Variants in AZIN1 observed in about 807,000 individuals in gnomAD.
The protein encoded by AZIN1 is antizyme inhibitor 1.
A neutral mutation model predicts 47.4 loss-of-function variants in AZIN1; 12 were observed. The ratio of observed to expected loss-of-function variants is 0.25; its 90% confidence interval spans 0.16 to 0.41. AZIN1 has a LOEUF of 0.41. AZIN1 is among the 10% of genes least tolerant of loss of function. AZIN1 has a pLI of 1.00. For missense variants in AZIN1, 410 were observed against 532.4 expected (o/e 0.77, Z 2.26); for synonymous variants, 155 against 176.3 (o/e 0.88, Z 0.96).
rs963502800 is a variant in AZIN1, at chr8:102,843,415, G to C, written c.102+136C>G. The C allele has an allele frequency of 4.5e-6, 3 of 673,296 alleles. No homozygotes were observed. In the South Asian group the frequency reaches 5.8e-5, roughly 13 times the overall value. 41.7% of individuals were successfully genotyped at this position (673,296 alleles called of 1,614,324 possible). A position where few individuals can be genotyped will look rare whatever the true frequency, so the allele number is the denominator to read the frequency against. On this transcript the variant is annotated intron_variant, in intron 3 of 11. Transcript: ENST00000337198. ...ATCACTACTCAAGGGGAGTGGGTGT[G>C]GGGGAGGAAGGTCAAGTTAAATCAG...
intron 10 of AZIN1, 28 bp downstream of exon 10, chr8:102,829,793 A>G: frequency 6.6e-7 from 1 of 1,505,558 alleles, no homozygotes; most frequent in South Asian, 1.2e-5. Flanking sequence ...AATGCCAAAT[A>G]GGTTTTGATA....
intron 5 of AZIN1, among the ~76,000 whole-genome samples, chr8:102,837,497 T>C (rs1341685710): frequency 6.6e-6 from 1 of 152,200 alleles, no homozygotes; most frequent in African/African-American, 2.4e-5. Context: ...ATGGCCCTAA[T>C]TTGATAATCA....
chr8:102,833,476 T>C (rs930945646), intron 8 of AZIN1, among the ~76,000 whole-genome samples: 11 of 151,962 alleles, frequency 7.2e-5, no homozygotes, highest in Non-Finnish European at 1.2e-4. Flanking sequence ...GTTTTTGTTT[T>C]TTTTTAAGTC....
chr8:102,836,572 C>T (rs1302559325), intron 5 of AZIN1, 182 bp from the exon 6 acceptor site: 1 of 601,924 alleles, frequency 1.7e-6, no homozygotes, highest in African/African-American at 1.9e-5. Context: ...CAATTAGGGC[C>T]TAAAGCATGA....
intron 2 of AZIN1, among the ~76,000 whole-genome samples, chr8:102,844,324 T>C (rs1048433325): frequency 1.3e-4 from 19 of 148,626 alleles, no homozygotes; most frequent in African/African-American, 4.5e-4. Context: ...CTGGACAACA[T>C]AGCAAGACTC....
chr8:102,843,087 A>T (rs1812322911), intron 3 of AZIN1, among the ~76,000 whole-genome samples: 1 of 151,368 alleles, frequency 6.6e-6, no homozygotes, highest in Non-Finnish European at 1.5e-5. Context: ...TGCGCCTGTA[A>T]TTCTAGCTAA....
intron 9 of AZIN1, 91 bp from the exon 10 acceptor site, chr8:102,830,027 T>C: frequency 1.1e-6 from 1 of 897,058 alleles, no homozygotes; most frequent in East Asian, 2.5e-5. Context: ...CTCAAACTAT[T>C]TAAACTTAAA....
chr8:102,861,973 T>C (rs1586217011), intron 1 of AZIN1, among the ~76,000 whole-genome samples: 1 of 151,650 alleles, frequency 6.6e-6, no homozygotes, highest in South Asian at 2.1e-4. Flanking sequence ...GAAGCGGAGG[T>C]TGCAGTAAGC....
chr8:102,829,453 T>C lies in AZIN1; in HGVS notation c.1054A>G (p.Ser352Gly). 6.2e-7 allele frequency: 1 copy of C among 1,612,798 alleles called. No individual in the cohort carries two copies. Among genetic ancestry groups the C allele is most frequent in the Non-Finnish European group, 8.5e-7 (1 of 1,179,626 alleles). The change falls in exon 11 of 12, where the codon AGC (serine) becomes GGC (glycine). Residue 352 changes from serine to glycine, a missense_variant. Around this residue, in one of 3 missense-constraint regions of AZIN1, gnomAD observed 168 missense variants for 198.3 expected, o/e 0.85. Transcript: ENST00000337198. ...YKEDEPLFTS[S>G]LWGPSCDELD... ...TCATCACAGGATGGACCCCAAAGGC[T>C]GCTTGTAAACAGAGGCTCATCTTCC...
At chr8:102,834,825 T>G in intron 6 of AZIN1, 78 bp from the exon 7 acceptor site, 1 of 886,538 alleles carries the variant, frequency 1.1e-6, no homozygotes, top group Non-Finnish European at 1.8e-6. Flanking sequence ...CAACTGTCAC[T>G]CATCATATTC....
chr8:102,858,975 A>G (rs1813459491), intron 1 of AZIN1: 1 of 152,326 alleles, frequency 6.6e-6, no homozygotes, highest in African/African-American at 2.4e-5. Flanking sequence ...ATAATCTGAC[A>G]GTGTTTGCTA....
chr8:102,856,421 T>C (rs1288492302), intron 2 of AZIN1, among the ~76,000 whole-genome samples: 3 of 152,176 alleles, frequency 2.0e-5, no homozygotes, highest in Non-Finnish European at 4.4e-5. Flanking sequence ...GGAGACACTA[T>C]AGACTTTCTG....
At chr8:102,860,647 G>A (rs749498740) in intron 1 of AZIN1, among the ~76,000 whole-genome samples, 19 of 152,068 alleles carry the variant, frequency 1.2e-4, no homozygotes, top group Non-Finnish European at 2.2e-4. Context: ...TCAGCCTTCC[G>A]AAGTGCTGGG....
chr8:102,842,981 C>A (rs1032623678), intron 3 of AZIN1, among the ~76,000 whole-genome samples: 3 of 151,874 alleles, frequency 2.0e-5, no homozygotes, highest in Non-Finnish European at 2.9e-5. Context: ...CTTCAGGAGG[C>A]TGAGGTGGGT....
rs1811818306 is a variant in AZIN1, at chr8:102,836,284, CCTTAGCACATTCCAAGAG to C, written c.538_555del (p.Leu180_Lys185del). 1 of 1,613,898 alleles carries C rather than the reference CCTTAGCACATTCCAAGAG, an allele frequency of 6.2e-7. No homozygotes were observed. The highest frequency in any genetic ancestry group is 1.3e-5 in the African/African-American group (1 of 74,910). ...ACCCCAATTATTTGGACATCAAGTT[CCTTAGCACATTCCAAGAG>C]ATGCCTACAGTTCTTCAGGGTAGTG... On this transcript the variant is annotated inframe_deletion, in exon 6 of 12. Coordinates refer to ENST00000337198, the MANE Select transcript of AZIN1 (RefSeq NM_148174.4).
chr8:102,851,628 C>G (rs1196736383), intron 2 of AZIN1, among the ~76,000 whole-genome samples: 3 of 152,098 alleles, frequency 2.0e-5, no homozygotes, highest in Non-Finnish European at 4.4e-5. Context: ...ATCGCTTGAA[C>G]CTGGGAGGTG....
chr8:102,839,021 A>G, intron 4 of AZIN1, 105 bp from the exon 5 acceptor site: 2 of 1,009,796 alleles, frequency 2.0e-6, no homozygotes, highest in Non-Finnish European at 2.8e-6. Context: ...CCAGGGTCTC[A>G]CTCTTTGTAT....
intron 5 of AZIN1, chr8:102,836,599 A>AT: frequency 1.9e-6 from 1 of 534,926 alleles, no homozygotes; most frequent in Non-Finnish European, 3.3e-6. Context: ...CAAGGATGGG[A>AT]TTTTGGAAAA....
At chr8:102,841,249 C>G (rs1007009797) in intron 3 of AZIN1, among the ~76,000 whole-genome samples, 1 of 152,050 alleles carries the variant, frequency 6.6e-6, no homozygotes, top group African/African-American at 2.4e-5. Flanking sequence ...GTTATGAAGG[C>G]AAGACCAAGG....
Sources: gnomAD v4.1 joint callset for allele counts (sites outside exome capture counted in the v4.1 genomes callset) on GRCh38, gnomAD v4.1.1 for gene constraint, gnomAD v4.1.1 regional missense constraint, MANE v1.5 for transcripts, NCBI Gene and HGNC (gene_info 2026-07-23, HGNC 2026-07-21) for gene names.